The following DHX32 variants were observed in gnomAD, a reference collection of about 807,000 sequenced individuals.
DHX32 encodes the protein DEAH-box helicase 32 (putative).
Under a neutral mutation model 70.0 loss-of-function variants are expected in DHX32, and 51 were observed. The ratio of observed to expected loss-of-function variants is 0.73; its 90% confidence interval spans 0.58 to 0.92. DHX32 has a LOEUF of 0.92. Among genes scored for constraint, DHX32 ranks in the 40% least tolerant of loss-of-function variants. The pLI, the probability that DHX32 is intolerant of heterozygous loss-of-function variation, is 0.00. For missense variants in DHX32, 762 were observed against 891.8 expected (o/e 0.85, Z 1.85); for synonymous variants, 310 against 315.3 (o/e 0.98, Z 0.18).
intron 1 of DHX32, among the ~76,000 whole-genome samples, chr10:125,876,323 T>C: frequency 6.6e-6 from 1 of 152,260 alleles, no homozygotes; most frequent in East Asian, 1.9e-4. Flanking sequence ...ATTAAATTCA[T>C]TCTCTATTTC....
intron 6 of DHX32, among the ~76,000 whole-genome samples, chr10:125,848,620 C>T (rs1051788609): frequency 2.6e-5 from 4 of 152,172 alleles, no homozygotes; most frequent in African/African-American, 9.7e-5. Context: ...CATGGCTCTT[C>T]CTGGCTCCGG....
upstream of DHX32, among the ~76,000 whole-genome samples, chr10:125,882,398 GCTCT>G (rs935037615): frequency 2.6e-5 from 4 of 152,120 alleles, no homozygotes; most frequent in Non-Finnish European, 5.9e-5. Flanking sequence ...GATAAGAAAA[GCTCT>G]CTCTCTATTG....
chr10:125,845,589 A>T (rs1460919532), intron 6 of DHX32, among the ~76,000 whole-genome samples: 1 of 152,182 alleles, frequency 6.6e-6, no homozygotes, highest in African/African-American at 2.4e-5. Flanking sequence ...CTCTCCTTCC[A>T]CCACACTCCT....
chr10:125,864,397 C>T (rs575836744), intron 2 of DHX32, among the ~76,000 whole-genome samples: 1 of 152,274 alleles, frequency 6.6e-6, no homozygotes, highest in African/African-American at 2.4e-5. Flanking sequence ...GCCTTTGTAC[C>T]TCAGCCCACC....
rs1944105296 is a variant in DHX32 at position 125,852,605 on chromosome 10, A to C, written c.1130T>G (p.Met377Arg). 2 of 1,613,132 alleles carry C rather than the reference A, an allele frequency of 1.2e-6. No individual in the cohort carries two copies. The highest frequency in any genetic ancestry group is 2.2e-5 in the South Asian group (2 of 90,876). ...TGCCTGGCTCTGGCTGATGGGCTGC[A>C]TGACGAGCGAGTTTGCTCTTATTCT... The part of the protein sequence containing the change: ...NPRIRANSLV[M>R]QPISQSQAEI... Residue 377 changes from methionine (M) to arginine (R), a missense_variant, in exon 5 of 11, where the codon ATG becomes AGG. By Grantham distance (91) the Met-to-Arg change is moderately conservative (BLOSUM62 -1). Coordinates refer to ENST00000284690, the MANE Select transcript of DHX32 (RefSeq NM_018180.3).
Position 125,859,620 on chromosome 10 carries a change from A to G in DHX32, c.832T>C (p.Phe278Leu), listed in dbSNP as rs1944172407. The change falls in exon 3 of 11, where the codon TTT becomes CTT. Residue 278 changes from phenylalanine (F) to leucine (L), a missense_variant. Around this residue, in one of 3 missense-constraint regions of DHX32, gnomAD observed 394 missense variants for 473.1 expected, o/e 0.83. Transcript: ENST00000284690. ...HSGEKGDIVV[F>L]LACEQDIEKV... is the part of the protein sequence containing the mutation. ...TTACTTACTTGTTCACAGGCCAGAA[A>G]GACTACAATGTCACCTTTCTCACCC... 2.5e-6 allele frequency: 4 copies of G among 1,590,544 alleles called. No individual in the cohort carries two copies. The highest frequency in any genetic ancestry group is 3.4e-6 in the Non-Finnish European group (4 of 1,169,868).
Position 125,867,106 on chromosome 10 carries a change from C to T in DHX32, c.360G>A (p.Lys120=). ...HGGVICTQVH[K]QTVVQLALRV... is the part of the protein sequence containing the mutation. ...GCAGGGCGAGCTGGACCACAGTCTG[C>T]TTGTGGACCTGTGTGCATATCACGC... Residue 120 remains lysine, a synonymous_variant, in exon 2 of 11, where the codon AAG becomes AAA. Transcript: ENST00000284690. 1.2e-5 allele frequency: 20 copies of T among 1,614,184 alleles called. No homozygotes were observed. Among genetic ancestry groups the T allele is most frequent in the Non-Finnish European group, 1.7e-5 (20 of 1,180,022 alleles).
intron 2 of DHX32, among the ~76,000 whole-genome samples, chr10:125,863,305 T>C (rs1478306658): frequency 6.6e-6 from 1 of 152,168 alleles, no homozygotes; most frequent in African/African-American, 2.4e-5. Flanking sequence ...ACAAAGTTGT[T>C]ACATATAGCA....
chr10:125,866,971 C>A lies in DHX32; in HGVS notation c.476+19G>T. On this transcript the variant is annotated intron_variant, in intron 2 of 10. Transcript: ENST00000284690. This position sits in a 1 kb window ranked among gnomAD's most constrained non-coding sequence, Gnocchi z 4.8. ...CCAAGAATCATCAGCAGGGAGCGGA[C>A]TGAACCCCACAAACCAACCTCAGGA... is the stretch of plus-strand genomic sequence containing the variant. 6.2e-7 allele frequency: 1 copy of A among 1,606,738 alleles called. No individual in the cohort carries two copies. The highest frequency in any genetic ancestry group is 8.5e-7 in the Non-Finnish European group (1 of 1,175,738).
At chr10:125,867,779 A>G (rs963847139) in intron 1 of DHX32, among the ~76,000 whole-genome samples, 1 of 146,034 alleles carries the variant, frequency 6.8e-6, no homozygotes, top group Non-Finnish European at 1.5e-5. Context: ...GAAAAAAAAA[A>G]TACTTTCAAC....
At chr10:125,878,050 G>A (rs1471377353) in intron 1 of DHX32, among the ~76,000 whole-genome samples, 1 of 152,138 alleles carries the variant, frequency 6.6e-6, no homozygotes, top group Non-Finnish European at 1.5e-5. Context: ...AAACTTAAGA[G>A]TAAAATATGG....
intron 6 of DHX32, among the ~76,000 whole-genome samples, chr10:125,851,854 G>GGTGA (rs1257003123): frequency 2.0e-5 from 3 of 150,140 alleles, no homozygotes; most frequent in African/African-American, 7.4e-5. Context: ...CTGTGAGGTG[G>GGTGA]AGGTTGCAGT....
At chr10:125,879,332 C>G (rs578013271) in intron 1 of DHX32, among the ~76,000 whole-genome samples, 1 of 151,936 alleles carries the variant, frequency 6.6e-6, no homozygotes. Context: ...CCCACTATCC[C>G]GTTAAACAAA....
At chr10:125,857,258 C>T (rs1045824309) in intron 3 of DHX32, among the ~76,000 whole-genome samples, 7 of 152,282 alleles carry the variant, frequency 4.6e-5, no homozygotes, top group East Asian at 1.9e-4. Context: ...GCTTGTTAGG[C>T]AGTAGATGGG....
At chr10:125,876,669 G>T (rs1394435119) in intron 1 of DHX32, among the ~76,000 whole-genome samples, 1 of 152,148 alleles carries the variant, frequency 6.6e-6, no homozygotes, top group Non-Finnish European at 1.5e-5. Flanking sequence ...TCAAACTGAG[G>T]GAGGTTCTGC....
chr10:125,851,290 G>C (rs1944086253), intron 6 of DHX32, among the ~76,000 whole-genome samples: 1 of 152,200 alleles, frequency 6.6e-6, no homozygotes, highest in Non-Finnish European at 1.5e-5. Context: ...AAAGTTATGT[G>C]TGTATTGTCA....
chr10:125,841,439 C>T, intron 7 of DHX32: 2 of 1,558,164 alleles, frequency 1.3e-6, no homozygotes, highest in Non-Finnish European at 8.7e-7. Flanking sequence ...GGAAAAACAC[C>T]TCTAGTGACA....
At chr10:125,855,448 GTTTT>G (rs777479193) in intron 3 of DHX32, among the ~76,000 whole-genome samples, 2 of 121,450 alleles carry the variant, frequency 1.6e-5, no homozygotes, top group African/African-American at 3.1e-5. Flanking sequence ...AAGATAAACT[GTTTT>G]TTTTTTTTTT....
intron 1 of DHX32, among the ~76,000 whole-genome samples, chr10:125,887,696 A>C (rs1168129337): frequency 6.6e-6 from 1 of 151,598 alleles, no homozygotes; most frequent in Non-Finnish European, 1.5e-5. Flanking sequence ...GCTGTATTCA[A>C]CTCCTGGGCT....
Sources: allele counts gnomAD v4.1 joint callset (sites outside exome capture counted in the v4.1 genomes callset), GRCh38; gene constraint gnomAD v4.1.1; regional missense constraint gnomAD v4.1.1; non-coding constraint Gnocchi (gnomAD v3.1); transcripts MANE v1.5; gene names NCBI Gene and HGNC (gene_info 2026-07-23, HGNC 2026-07-21).